Variants in NINL observed in about 807,000 individuals in gnomAD.
The protein encoded by NINL is ninein-like protein.
In NINL, 153 loss-of-function variants were observed where a neutral mutation model predicts 160.3. The observed-to-expected ratio is 0.95, with a 90% confidence interval of 0.84 to 1.09. The LOEUF (loss-of-function observed/expected upper bound fraction) is 1.09, where lower values mean the gene tolerates loss of function less well. Ranked by LOEUF, NINL falls within the 50% of genes least tolerant of loss-of-function variation. The probability of loss-of-function intolerance (pLI) is 0.00; values close to 1 mark genes in which losing one functional copy is unlikely to be tolerated. For synonymous variants in NINL, 800 were observed against 734.8 expected (o/e 1.09, Z -1.43); for missense variants, 1,829 against 1,764.0 (o/e 1.04, Z -0.66).
At chr20:25,579,481 G>C (rs2065150119) in intron 1 of NINL, among the ~76,000 whole-genome samples, 1 of 152,196 alleles carries the variant, frequency 6.6e-6, no homozygotes, top group Non-Finnish European at 1.5e-5. Flanking sequence ...ACGGGGACTG[G>C]GCACAGGTGA....
At position 25,457,126 on chromosome 20, in the gene NINL, C is replaced by G. The variant is rs560785881; in HGVS notation, c.3843+1257G>C. 2.7e-4 allele frequency among the ~76,000 whole-genome samples: 41 copies of G among 152,156 alleles called. No homozygotes were observed. In the South Asian group the frequency reaches 3.5e-3, roughly 13 times the overall value. On this transcript the variant is annotated intron_variant, in intron 22 of 23. Coordinates refer to ENST00000278886, the MANE Select transcript of NINL (RefSeq NM_025176.6). ...GGATCACGAGGTCAGGAGATCAAGA[C>G]CATCCTGGCCAACACGGTGAAACCC...
chr20:25,500,731 C>A, intron 8 of NINL, 109 bp downstream of exon 8: 1 of 1,195,558 alleles, frequency 8.4e-7, no homozygotes, highest in Non-Finnish European at 1.2e-6. Flanking sequence ...CTGCACAGAG[C>A]ACACACCCCT....
Position 25,503,668 on chromosome 20 carries a change from G to A in NINL, c.861+284C>T, listed in dbSNP as rs150012333. 1.8e-3 allele frequency among the ~76,000 whole-genome samples: 273 copies of A among 152,348 alleles called. 1 individual carries two copies. Among genetic ancestry groups the A allele is most frequent in the African/African-American group, 6.4e-3 (265 of 41,586 alleles). On this transcript the variant is annotated intron_variant, in intron 7 of 23. Transcript: ENST00000278886. ...TGCCTTCTGTAGTCCCAGGAGGTGT[G>A]CACCCGAACCACCCCCATCTTACAC...
chr20:25,561,736 G>A lies in NINL; in HGVS notation c.-12+23719C>T, dbSNP rs1468359377. On this transcript the variant is annotated intron_variant, in intron 1 of 23. Transcript: ENST00000278886. ...TCGGCCCGGCCGCGACCCCGTCTGG[G>A]AGGTTAGGAGCGTCTCTGCCCAGCC... Among the ~76,000 whole-genome samples the A allele has an allele frequency of 1.3e-5, 2 of 151,338 alleles. 1 individual carries two copies. The highest frequency in any genetic ancestry group is 3.0e-5 in the Non-Finnish European group (2 of 67,768).
At chr20:25,453,915 G>A (rs2090601629) in intron 23 of NINL, among the ~76,000 whole-genome samples, 1 of 152,084 alleles carries the variant, frequency 6.6e-6, no homozygotes, top group African/African-American at 2.4e-5. Flanking sequence ...AGCTGGGCGT[G>A]GTGGCGGGCG....
chr20:25,479,205 A>C lies in NINL; in HGVS notation c.1919T>G (p.Val640Gly), dbSNP rs762323174. 1.9e-6 allele frequency: 3 copies of C among 1,600,700 alleles called. No homozygotes were observed. The highest frequency in any genetic ancestry group is 2.6e-6 in the Non-Finnish European group (3 of 1,171,356). Residue 640 changes from valine (V) to glycine (G), a missense_variant and splice_region_variant, in exon 16 of 24, where the codon GTA becomes GGA. Coordinates refer to ENST00000278886, the MANE Select transcript of NINL (RefSeq NM_025176.6). ...QDLRTQLETK[V>G]NYYEREIAAL... ...CGCAATTTCCCTTTCGTAGTAATTT[A>C]CCTAAAACGAGAAACATGAGCCCCG...
At position 25,554,314 on chromosome 20, in the gene NINL, G is replaced by A. The variant is rs552462998; in HGVS notation, c.-11-27716C>T. On this transcript the variant is annotated intron_variant, in intron 1 of 23. Coordinates refer to ENST00000278886, the MANE Select transcript of NINL (RefSeq NM_025176.6). ...AGGACAGCCCCCTGAGTGCCAGAGT[G>A]GACAGAACATGAAACCCCTGCCAGG... 5.3e-5 allele frequency among the ~76,000 whole-genome samples: 8 copies of A among 152,284 alleles called. No homozygotes were observed. The East Asian group carries it at 1.5e-3, about 29-fold the overall frequency.
Position 25,512,882 on chromosome 20 carries a change from G to A in NINL, c.402C>T (p.Ala134=), listed in dbSNP as rs769963247. The part of the protein sequence containing the change: ...ARRVPEQQTQ[A]SLKSHLWRSA... ...AGCGCCAGAGGTGACTTTTCAGGCT[G>A]GCCTGGGTTTGCTGCTCCGGCACGC... is the stretch of plus-strand genomic sequence containing the variant. Residue 134 remains alanine, a synonymous_variant, in exon 4 of 24, where the codon GCC becomes GCT. Coordinates refer to ENST00000278886, the MANE Select transcript of NINL (RefSeq NM_025176.6). The A allele has an allele frequency of 3.1e-6, 5 of 1,614,072 alleles. No homozygotes were observed. In the African/African-American group the frequency reaches 6.7e-5, roughly 22 times the overall value.
chr20:25,513,881 GA>G (rs1003212181), intron 3 of NINL, among the ~76,000 whole-genome samples: 2 of 152,188 alleles, frequency 1.3e-5, no homozygotes, highest in African/African-American at 4.8e-5. Context: ...GAGGAACTGT[GA>G]GTCAATTAAA....
intron 19 of NINL, among the ~76,000 whole-genome samples, chr20:25,465,368 G>A (rs1015533879): frequency 6.6e-6 from 1 of 152,176 alleles, no homozygotes; most frequent in African/African-American, 2.4e-5. Flanking sequence ...CTTCTGAAAT[G>A]TGACCTGAAC....
chr20:25,509,538 A>G (rs1212565923), intron 5 of NINL: 2 of 396,728 alleles, frequency 5.0e-6, no homozygotes, highest in East Asian at 1.4e-4. Flanking sequence ...CTGAGCCCCA[A>G]GCTGCTCTGA....
At chr20:25,561,645 C>T (rs1327209905) in intron 1 of NINL, among the ~76,000 whole-genome samples, 8 of 150,426 alleles carry the variant, frequency 5.3e-5, no homozygotes, top group African/African-American at 1.5e-4. Flanking sequence ...TCTGCCCAGC[C>T]GCCCATCGTC....
Position 25,549,415 on chromosome 20 carries a change from G to T in NINL, c.-11-22817C>A, listed in dbSNP as rs372625689. ...CCAGCCTCACCCAGGGCTGGCCCCGGCACCCATGGCCACAGCTCCCACACC... is the reference window on the plus strand; with the variant it reads ...CCAGCCTCACCCAGGGCTGGCCCCGTCACCCATGGCCACAGCTCCCACACC... On this transcript the variant is annotated intron_variant, in intron 1 of 23. Transcript: ENST00000278886. 2.6e-5 allele frequency among the ~76,000 whole-genome samples: 4 copies of T among 152,216 alleles called. No homozygotes were observed. In the East Asian group the frequency reaches 5.8e-4, roughly 22 times the overall value.
intron 1 of NINL, among the ~76,000 whole-genome samples, chr20:25,570,485 G>A (rs931918557): frequency 3.3e-5 from 5 of 152,074 alleles, no homozygotes; most frequent in Admixed American, 2.0e-4. Context: ...CTCGCCTTCC[G>A]CCATGATTGG....
chr20:25,562,090 C>T (rs1157072990), intron 1 of NINL, among the ~76,000 whole-genome samples: 7 of 145,250 alleles, frequency 4.8e-5, no homozygotes, highest in South Asian at 2.2e-4. Context: ...GTCAGCCCCC[C>T]GCCCAGCCAG....
chr20:25,533,064 A>G (rs976005759), intron 1 of NINL, among the ~76,000 whole-genome samples: 22 of 152,198 alleles, frequency 1.4e-4, no homozygotes, highest in Admixed American at 1.4e-3. Flanking sequence ...GGCCGCTTCA[A>G]GTGGCTGCCC....
chr20:25,465,460 G>C (rs548561954), intron 19 of NINL, among the ~76,000 whole-genome samples: 2 of 152,258 alleles, frequency 1.3e-5, no homozygotes, highest in East Asian at 3.9e-4. Context: ...AGGAGGGCTT[G>C]GGAGCCATGC....
rs1046389080 is a variant in NINL, at chr20:25,458,461, G to A, written c.3765C>T (p.Pro1255=). ...AQHLQEVRLV[P]QDRVAELHRL... Reference sequence around the variant, plus strand: ...GATGCAGCTCGGCCACACGGTCCTGGGGCACCAGCCGGACCTCCTGCAAGT... The same window carrying A: ...GATGCAGCTCGGCCACACGGTCCTGAGGCACCAGCCGGACCTCCTGCAAGT... Residue 1255 remains proline (P), a synonymous_variant, in exon 22 of 24, where the codon CCC becomes CCT. Transcript: ENST00000278886. 1.9e-6 allele frequency: 3 copies of A among 1,604,668 alleles called. No homozygotes were observed. The highest frequency in any genetic ancestry group is 2.5e-6 in the Non-Finnish European group (3 of 1,179,886).
chr20:25,458,044 A>T (rs1309552742), intron 22 of NINL, among the ~76,000 whole-genome samples: 1 of 151,804 alleles, frequency 6.6e-6, no homozygotes, highest in African/African-American at 2.4e-5. Flanking sequence ...CCAATCTGTC[A>T]CCCTCTGCTC....
Sources: gnomAD v4.1 joint callset for allele counts (sites outside exome capture counted in the v4.1 genomes callset) on GRCh38, gnomAD v4.1.1 for gene constraint, MANE v1.5 for transcripts, NCBI Gene and HGNC (gene_info 2026-07-23, HGNC 2026-07-21) for gene names.